Variants in EBF4 observed in about 807,000 individuals in gnomAD.
EBF4 encodes EBF transcription factor 4.
EBF4 carries 34 observed loss-of-function variants against 67.1 expected under a neutral mutation model. The ratio of observed to expected loss-of-function variants is 0.51; its 90% CI spans 0.39 to 0.67. The LOEUF (loss-of-function observed/expected upper bound fraction) is 0.67, where lower values mean the gene tolerates loss of function less well. Among genes scored for constraint, EBF4 ranks in the 30% least tolerant of loss-of-function variants. EBF4 has a pLI of 0.00. For synonymous variants in EBF4, 387 were observed against 377.7 expected (o/e 1.02, Z -0.29); for missense variants, 837 against 873.3 (o/e 0.96, Z 0.52).
intron 6 of EBF4, among the ~76,000 whole-genome samples, chr20:2,711,259 G>A (rs2087541539): frequency 6.6e-6 from 1 of 152,054 alleles, no homozygotes; most frequent in Non-Finnish European, 1.5e-5. Flanking sequence ...TTAGATCTGG[G>A]AGTTTACATC....
At chr20:2,743,217 G>A (rs574754881) in intron 6 of EBF4, among the ~76,000 whole-genome samples, 1 of 152,268 alleles carries the variant, frequency 6.6e-6, no homozygotes, top group East Asian at 1.9e-4. Context: ...AATTCTCCTG[G>A]GTTGTTCTCA....
intron 6 of EBF4, among the ~76,000 whole-genome samples, chr20:2,744,023 TTTA>T (rs1250541818): frequency 1.3e-5 from 2 of 152,162 alleles, no homozygotes; most frequent in Non-Finnish European, 2.9e-5. Flanking sequence ...CTTCCCAGTC[TTTA>T]TTATCTGTCT....
rs2088283008 is a variant in EBF4 at position 2,758,893 on chromosome 20, T to C, written c.1739-16T>C. The C allele has an allele frequency of 2.6e-6, 4 of 1,551,620 alleles. No homozygotes were observed. Among genetic ancestry groups the C allele is most frequent in the Non-Finnish European group, 3.5e-6 (4 of 1,146,900 alleles). The stretch of plus-strand genomic sequence containing the variant: ...TGGCACATGGCTTATGGCTCCTTTT[T>C]CCTTGACTACTGCAGACCAGTCTTT... On this transcript the variant is annotated splice_polypyrimidine_tract_variant and intron_variant, in intron 15 of 16. Transcript: ENST00000609451.
Position 2,743,830 on chromosome 20 carries a change from C to G in EBF4, c.558-4719C>G, listed in dbSNP as rs184845644. ...GCGGGGAGTATAAATTCACAGGGTA[C>G]AAGTGAAAGTATACAATGTGTGGTG... On this transcript the variant is annotated intron_variant, in intron 6 of 16. Transcript: ENST00000609451. 3.9e-5 allele frequency among the ~76,000 whole-genome samples: 6 copies of G among 152,202 alleles called. No individual in the cohort carries two copies. In the East Asian group the frequency reaches 7.7e-4, roughly 20 times the overall value.
chr20:2,752,233 G>A (rs1402760180), exon 13 of EBF4: 6 of 1,331,230 alleles, frequency 4.5e-6, no homozygotes, highest in South Asian at 2.0e-5. Context: ...GGCCATCGCC[G>A]TCGGGGACGC....
At chr20:2,708,723 T>TA (rs1568569514) in intron 5 of EBF4, among the ~76,000 whole-genome samples, 1 of 151,738 alleles carries the variant, frequency 6.6e-6, no homozygotes, top group Non-Finnish European at 1.5e-5. Context: ...ACCCTGTCTC[T>TA]AAAAAAATAA....
At chr20:2,737,073 C>A (rs543082976) in intron 6 of EBF4, among the ~76,000 whole-genome samples, 1 of 151,736 alleles carries the variant, frequency 6.6e-6, no homozygotes, top group African/African-American at 2.4e-5. Flanking sequence ...CACGGTGAAA[C>A]CCCGTCTCTA....
chr20:2,728,854 A>G (rs918374673), intron 6 of EBF4, among the ~76,000 whole-genome samples: 1 of 151,974 alleles, frequency 6.6e-6, no homozygotes, highest in Non-Finnish European at 1.5e-5. Context: ...CATTCCTTCA[A>G]TGGTGGGAAT....
At chr20:2,693,565 G>A, upstream of EBF4, 1 of 1,289,446 alleles carries the variant, frequency 7.8e-7, no homozygotes, top group Non-Finnish European at 9.8e-7. The surrounding 1 kb of genome is among the most constrained non-coding windows in gnomAD (Gnocchi z 4.6). Context: ...TGGTGCCGTC[G>A]GGTCGGGCTG....
rs1304250439 is a variant in EBF4, at chr20:2,747,059, G to A, written c.558-1490G>A. On this transcript the variant is annotated intron_variant, in intron 6 of 16. Coordinates refer to ENST00000609451, the Ensembl canonical transcript of EBF4. The surrounding 1 kb of genome is among the most constrained non-coding windows in gnomAD (Gnocchi z 4.6). ...TGTAATCCCAACACTTTGGGAGGCCGAGGTGGGTGAATCACCTGAGGTCAG... is the reference window on the plus strand; with the variant it reads ...TGTAATCCCAACACTTTGGGAGGCCAAGGTGGGTGAATCACCTGAGGTCAG... Among the ~76,000 whole-genome samples the A allele has an allele frequency of 2.6e-5, 4 of 152,168 alleles. No individual in the cohort carries two copies. Among genetic ancestry groups the A allele is most frequent in the African/African-American group, 4.8e-5 (2 of 41,442 alleles).
At chr20:2,706,219 A>G (rs2146385817) in exon 4 of EBF4, 4 of 1,552,240 alleles carry the variant, frequency 2.6e-6, no homozygotes, top group South Asian at 1.2e-5. Flanking sequence ...GACTGCGGAC[A>G]GAGCAAGACC....
intron 16 of EBF4, 62 bp downstream of exon 16, chr20:2,759,046 C>T (rs1258198155): frequency 6.9e-7 from 1 of 1,457,264 alleles, no homozygotes; most frequent in East Asian, 2.5e-5. Flanking sequence ...TGCTTGCTCT[C>T]TAAAGGCCTT....
intron 6 of EBF4, among the ~76,000 whole-genome samples, chr20:2,743,188 T>A (rs930596869): frequency 6.6e-6 from 1 of 152,184 alleles, no homozygotes; most frequent in South Asian, 2.1e-4. Context: ...TGTCACCCCC[T>A]GGGCGTCAGC....
intron 1 of EBF4, among the ~76,000 whole-genome samples, chr20:2,694,956 C>T (rs544525632): frequency 2.5e-4 from 38 of 152,254 alleles, no homozygotes; most frequent in South Asian, 4.2e-4. Context: ...AGGGATATAG[C>T]TATATTCTAG....
At chr20:2,730,955 G>A (rs1365675882) in intron 6 of EBF4, among the ~76,000 whole-genome samples, 1 of 152,172 alleles carries the variant, frequency 6.6e-6, no homozygotes. Context: ...CTGGAGTGCA[G>A]TGGCGCAATC....
rs529594104 is a variant in EBF4, at chr20:2,733,076, G to A, written c.558-15473G>A. ...TTAGTATTTCTTGTAGGACAAACCT[G>A]TTAGTGATGAATCCTCTCAGTTTTT... is the stretch of plus-strand genomic sequence containing the variant. On this transcript the variant is annotated intron_variant, in intron 6 of 16. Transcript: ENST00000609451. 2.2e-4 allele frequency among the ~76,000 whole-genome samples: 33 copies of A among 152,286 alleles called. 1 individual carries two copies. The East Asian group carries it at 6.0e-3, about 28-fold the overall frequency.
At chr20:2,697,402 G>A (rs1337969678) in intron 1 of EBF4, among the ~76,000 whole-genome samples, 8 of 151,736 alleles carry the variant, frequency 5.3e-5, no homozygotes, top group East Asian at 1.9e-4. Flanking sequence ...AAAATTAGCC[G>A]GGCGTGGTGG....
At chr20:2,718,890 G>A (rs1218783329) in intron 6 of EBF4, among the ~76,000 whole-genome samples, 1 of 151,936 alleles carries the variant, frequency 6.6e-6, no homozygotes. Flanking sequence ...TTTCATTTTT[G>A]TCTTAAAATA....
At chr20:2,710,563 GT>G (rs11475156) in intron 6 of EBF4, among the ~76,000 whole-genome samples, 25,992 of 147,050 alleles carry the variant, frequency 0.18, 4,129 homozygotes, top group African/African-American at 0.42. Context: ...TACTGTACAT[GT>G]TTTTTTTTTT....
Sources: allele counts gnomAD v4.1 joint callset (sites outside exome capture counted in the v4.1 genomes callset), GRCh38; gene constraint gnomAD v4.1.1; non-coding constraint Gnocchi (gnomAD v3.1); transcripts MANE v1.5; gene names NCBI Gene and HGNC (gene_info 2026-07-23, HGNC 2026-07-21).